The following UMODL1 variants were observed in gnomAD, a reference collection of about 807,000 sequenced individuals.
UMODL1 encodes the protein uromodulin like 1, also known as uromodulin-like 1.
A neutral mutation model predicts 136.3 loss-of-function variants in UMODL1; 128 were observed. The observed-to-expected ratio is 0.94, with a 90% CI of 0.81 to 1.09. The LOEUF (loss-of-function observed/expected upper bound fraction) is 1.09. Among genes scored for constraint, UMODL1 ranks in the 50% least tolerant of loss-of-function variants. UMODL1 has a pLI of 0.00. For missense variants in UMODL1, 1,766 were observed against 1,725.6 expected (o/e 1.02, Z -0.41); for synonymous variants, 721 against 720.0 (o/e 1.00, Z -0.02).
intron 9 of UMODL1, among the ~76,000 whole-genome samples, chr21:42,109,002 A>C (rs1178620051): frequency 5.5e-4 from 40 of 73,298 alleles, no homozygotes; most frequent in Admixed American, 8.2e-4. Context: ...CTGGACCCCC[A>C]CCCCCGGTGT....
Position 42,104,095 on chromosome 21 carries a change from C to T in UMODL1, c.1519+8C>T, listed in dbSNP as rs373217942. 15 of 1,600,758 alleles carry T rather than the reference C, an allele frequency of 9.4e-6. No homozygotes were observed. Among genetic ancestry groups the T allele is most frequent in the Non-Finnish European group, 1.1e-5 (13 of 1,170,822 alleles). On this transcript the variant is annotated splice_region_variant and intron_variant, in intron 9 of 22. Coordinates refer to ENST00000408910, the MANE Select transcript of UMODL1 (RefSeq NM_001004416.3). Reference sequence around the variant, plus strand: ...AGGGGACACGCGTGCAAGGTATGGCCCAGCCACCCGCCCTGCTGCCTGGTG... The same window carrying T: ...AGGGGACACGCGTGCAAGGTATGGCTCAGCCACCCGCCCTGCTGCCTGGTG...
intron 15 of UMODL1, 76 bp from the exon 16 acceptor site, chr21:42,121,011 C>G: frequency 6.5e-7 from 1 of 1,530,946 alleles, no homozygotes; most frequent in South Asian, 1.3e-5. Context: ...GAGATGCACT[C>G]TCCCCCAACC....
chr21:42,114,162 A>T (rs969424956), intron 13 of UMODL1, among the ~76,000 whole-genome samples: 49 of 152,224 alleles, frequency 3.2e-4, no homozygotes, highest in African/African-American at 1.1e-3. Context: ...GTTGAGCTGC[A>T]TCCACTCCCT....
At chr21:42,141,925 C>T (rs1028739678) in intron 22 of UMODL1, among the ~76,000 whole-genome samples, 171 bp from the exon 23 acceptor site, 1 of 152,252 alleles carries the variant, frequency 6.6e-6, no homozygotes, top group African/African-American at 2.4e-5. Context: ...ACTGGGCACT[C>T]TGGGAGTGGC....
chr21:42,130,688 C>T (rs1050895599), intron 21 of UMODL1, among the ~76,000 whole-genome samples: 32 of 152,154 alleles, frequency 2.1e-4, no homozygotes, highest in African/African-American at 2.2e-4. Context: ...CCTTAAAAGA[C>T]GTCTGTGCCT....
intron 1 of UMODL1, 131 bp from the exon 2 acceptor site, chr21:42,075,874 C>A: frequency 7.2e-7 from 1 of 1,380,368 alleles, no homozygotes; most frequent in Non-Finnish European, 9.9e-7. Flanking sequence ...TGGTGGGCAG[C>A]TTCTGAGAGG....
Position 42,110,904 on chromosome 21 carries a change from G to A in UMODL1, c.1682G>A (p.Gly561Asp), listed in dbSNP as rs768377307. Residue 561 changes from glycine to aspartate, a missense_variant, in exon 11 of 23, where the codon GGT becomes GAT. Gly to Asp is a moderately conservative substitution (Grantham distance 94). Transcript: ENST00000408910. ...GGTGACCTGGTGAGCCCCATGGGCG[G>A]TGGACTGTCTGCGGCAACAGGGGTA... ...CEGDLVSPMG[G>D]GLSAATGVTV... 11 of 1,611,016 alleles carry A rather than the reference G, an allele frequency of 6.8e-6. No homozygotes were observed. Among genetic ancestry groups the A allele is most frequent in the Non-Finnish European group, 9.3e-6 (11 of 1,179,208 alleles).
At position 42,099,110 on chromosome 21, in the gene UMODL1, GCTGTA is replaced by G. The variant is rs2066595389; in HGVS notation, c.1118_1122del (p.Leu373GlnfsTer27). ...CAGTGGCTGGGCTGGAGGCTGGAGT[GCTGTA>G]CAGGGTGAAGACCAGCTACCAGGGG... On this transcript the variant is annotated frameshift_variant, in exon 7 of 23. Transcript: ENST00000408910. LOFTEE classifies it high-confidence loss of function. The surrounding 1 kb of genome is among the most constrained non-coding windows in gnomAD (Gnocchi z 4.1). The G allele has an allele frequency of 1.2e-6, 2 of 1,613,960 alleles. No individual in the cohort carries two copies. The highest frequency in any genetic ancestry group is 1.7e-6 in the Non-Finnish European group (2 of 1,180,040).
chr21:42,094,303 C>G (rs373919118), intron 6 of UMODL1, among the ~76,000 whole-genome samples: 3 of 152,196 alleles, frequency 2.0e-5, no homozygotes, highest in African/African-American at 7.2e-5. Flanking sequence ...CTAAGGGAAA[C>G]AGCATCCCCG....
intron 6 of UMODL1, chr21:42,093,889 A>C (rs1296500925): frequency 4.4e-6 from 2 of 456,658 alleles, no homozygotes; most frequent in Non-Finnish European, 8.8e-6. Context: ...CTTGAGATCC[A>C]CTTAGAACTT....
intron 1 of UMODL1, among the ~76,000 whole-genome samples, chr21:42,073,288 G>A (rs984998536): frequency 1.3e-5 from 2 of 152,184 alleles, no homozygotes; most frequent in East Asian, 1.9e-4. Context: ...CGTTCCTTCC[G>A]GCCATATTCC....
chr21:42,122,604 C>T lies in UMODL1; in HGVS notation c.2828-227C>T, dbSNP rs1011840634. Among the ~76,000 whole-genome samples the T allele has an allele frequency of 7.1e-6, 1 of 140,520 alleles. No individual in the cohort carries two copies. Among genetic ancestry groups the T allele is most frequent in the East Asian group, 2.0e-4 (1 of 4,962 alleles). 92.2% of individuals were successfully genotyped at this position (140,520 alleles called of 152,430 possible). On this transcript the variant is annotated intron_variant, in intron 16 of 22. Transcript: ENST00000408910. This position sits in a 1 kb window ranked among gnomAD's most constrained non-coding sequence, Gnocchi z 4.3. The stretch of plus-strand genomic sequence containing the variant: ...GTGTGCATGTGTGTGCATGTGTGTG[C>T]ATCTCTGCGTGCATGTGTGTGCATG...
chr21:42,075,948 G>A lies in UMODL1; in HGVS notation c.77-57G>A, dbSNP rs532477528. 2.7e-5 allele frequency: 43 copies of A among 1,599,500 alleles called. No homozygotes were observed. The Admixed American group carries it at 5.0e-4, about 19-fold the overall frequency. Reference sequence around the variant, plus strand: ...GCAGAGGGACGCCTTGCGGATAACCGCTCGCACGGATCTGATCCTGGTGTT... The same window carrying A: ...GCAGAGGGACGCCTTGCGGATAACCACTCGCACGGATCTGATCCTGGTGTT... On this transcript the variant is annotated intron_variant, in intron 1 of 22. Transcript: ENST00000408910.
rs114866605 is a variant in UMODL1, at chr21:42,098,238, A to G, written c.932-688A>G. On this transcript the variant is annotated intron_variant, in intron 6 of 22. Coordinates refer to ENST00000408910, the MANE Select transcript of UMODL1 (RefSeq NM_001004416.3). Reference sequence around the variant, plus strand: ...GGATCCCAGAGAGCCCCACGACTCAATGCTGTTCACTGTGTAGACAGAGGC... The same window carrying G: ...GGATCCCAGAGAGCCCCACGACTCAGTGCTGTTCACTGTGTAGACAGAGGC... 3.5e-3 allele frequency among the ~76,000 whole-genome samples: 530 copies of G among 152,258 alleles called. 3 individuals are homozygous for G. The highest frequency in any genetic ancestry group is 0.012 in the African/African-American group (501 of 41,558).
intron 22 of UMODL1, among the ~76,000 whole-genome samples, chr21:42,141,262 A>G (rs968426002): frequency 6.6e-6 from 1 of 151,224 alleles, no homozygotes; most frequent in Non-Finnish European, 1.5e-5. Flanking sequence ...AGAAAACACC[A>G]CCCGCCTGTG....
rs372368956 is a variant in UMODL1, at chr21:42,102,275, C to T, written c.1296C>T (p.His432=). ...AGGACTTTTCTAGACAACTGCTTCA[C>T]GAGGTAAAGCCACAATGCAGACAGA... The part of the protein sequence containing the change: ...EYQDFSRQLL[H]EVESSFPPVV... Residue 432 remains histidine (H), a synonymous_variant, in exon 8 of 23, where the codon CAC becomes CAT. Coordinates refer to ENST00000408910, the MANE Select transcript of UMODL1 (RefSeq NM_001004416.3). 4.0e-5 allele frequency: 64 copies of T among 1,604,962 alleles called. No individual in the cohort carries two copies. The South Asian group carries it at 4.1e-4, about 10-fold the overall frequency.
chr21:42,127,892 C>T lies in UMODL1; in HGVS notation c.3690+61C>T, dbSNP rs150221362. On this transcript the variant is annotated intron_variant, in intron 20 of 22. Coordinates refer to ENST00000408910, the MANE Select transcript of UMODL1 (RefSeq NM_001004416.3). ...ATTCACGTTCCTTATTGTTACGGTTCGAGGCTCTGTTAATAAAAACCTAGG... is the reference window on the plus strand; with the variant it reads ...ATTCACGTTCCTTATTGTTACGGTTTGAGGCTCTGTTAATAAAAACCTAGG... The T allele has an allele frequency of 1.2e-5, 19 of 1,602,380 alleles. 1 individual carries two copies. Among genetic ancestry groups the T allele is most frequent in the African/African-American group, 5.4e-5 (4 of 74,466 alleles).
At chr21:42,086,720 C>T (rs1318446232) in intron 4 of UMODL1, 1 of 438,664 alleles carries the variant, frequency 2.3e-6, no homozygotes, top group Admixed American at 2.4e-5. Flanking sequence ...AATCCCAGCA[C>T]TTTGGGAGGC....
Position 42,119,233 on chromosome 21 carries a change from T to C in UMODL1, c.2598T>C (p.Asp866=). The C allele has an allele frequency of 1.2e-6, 2 of 1,614,212 alleles. No homozygotes were observed. Among genetic ancestry groups the C allele is most frequent in the Non-Finnish European group, 1.7e-6 (2 of 1,180,032 alleles). Residue 866 remains aspartate, a synonymous_variant, in exon 15 of 23, where the codon GAT becomes GAC. Coordinates refer to ENST00000408910, the MANE Select transcript of UMODL1 (RefSeq NM_001004416.3). ...AGTTTCACTTGCTGATAATCGCAGA[T>C]GTGGATGTCCAGGAGGTGTCAGCTG... The part of the protein sequence containing the change: ...VVEFHLLIIA[D]VDVQEVSAAF...
Sources: gnomAD v4.1 joint callset for allele counts (sites outside exome capture counted in the v4.1 genomes callset) on GRCh38, gnomAD v4.1.1 for gene constraint, Gnocchi (gnomAD v3.1) non-coding constraint, MANE v1.5 for transcripts, NCBI Gene and HGNC (gene_info 2026-07-23, HGNC 2026-07-21) for gene names.